Variants in SH2D1B observed in about 807,000 individuals in gnomAD.
SH2D1B encodes SH2 domain containing 1B, also known as SH2 domain-containing protein 1B.
Under a neutral mutation model 16.3 loss-of-function variants are expected in SH2D1B, and 11 were observed. That is an observed-to-expected ratio of 0.67 (90% CI 0.42 to 1.11). SH2D1B has a LOEUF of 1.11. Ranked by LOEUF, SH2D1B falls within the 50% of genes most tolerant of loss-of-function variation. The pLI, the probability that SH2D1B is intolerant of heterozygous loss-of-function variation, is 0.00. For synonymous variants in SH2D1B, 55 were observed against 56.1 expected (o/e 0.98, Z 0.09); for missense variants, 123 against 153.1 (o/e 0.80, Z 1.04).
rs1263080027 is a variant in SH2D1B at position 162,402,719 on chromosome 1, G to C, written c.198+20C>G. 1.2e-6 allele frequency: 2 copies of C among 1,603,482 alleles called. No homozygotes were observed. The highest frequency in any genetic ancestry group is 1.7e-6 in the Non-Finnish European group (2 of 1,170,526). On this transcript the variant is annotated intron_variant, in intron 2 of 3. Coordinates refer to ENST00000367929, the MANE Select transcript of SH2D1B (RefSeq NM_053282.5). ...CCCCAACTTTTGTGTTGTTGTTGTT[G>C]TCGTCCTTTTTGTTCTTACCTGTAT... is the stretch of plus-strand genomic sequence containing the variant.
At chr1:162,411,141 AGATG>A (rs1313441861) in intron 1 of SH2D1B, among the ~76,000 whole-genome samples, 2 of 151,738 alleles carry the variant, frequency 1.3e-5, no homozygotes, top group African/African-American at 4.8e-5. Flanking sequence ...TTTTTGGTAG[AGATG>A]GGGTTTTGCC....
At chr1:162,398,563 T>C (rs1648433299) in intron 3 of SH2D1B, among the ~76,000 whole-genome samples, 1 of 152,202 alleles carries the variant, frequency 6.6e-6, no homozygotes, top group Non-Finnish European at 1.5e-5. Flanking sequence ...TGTAACAGTA[T>C]ACGCTTTGGG....
intron 1 of SH2D1B, among the ~76,000 whole-genome samples, chr1:162,403,512 ATATATAT>A (rs1382180711): frequency 0.033 from 578 of 17,760 alleles, 24 homozygotes; most frequent in Middle Eastern, 0.1. Context: ...AAAAAAAAAA[ATATATAT>A]ATATATATAT....
Position 162,397,166 on chromosome 1 carries a change from A to T in SH2D1B, c.*114T>A. ...GAACATCTTCAGTTACACAACCAGG[A>T]GAGTCTGAATTGTCCACTAGAGTTT... On this transcript the variant is annotated 3_prime_UTR_variant, in exon 4 of 4. Transcript: ENST00000367929. The T allele has an allele frequency of 8.9e-7, 1 of 1,128,324 alleles. No individual in the cohort carries two copies. Among genetic ancestry groups the T allele is most frequent in the South Asian group, 1.3e-5 (1 of 77,494 alleles). 69.9% of individuals were successfully genotyped at this position (1,128,324 alleles called of 1,614,324 possible).
chr1:162,397,437 T>C (rs1571270393), intron 3 of SH2D1B, 122 bp from the exon 4 acceptor site: 2 of 997,780 alleles, frequency 2.0e-6, no homozygotes, highest in East Asian at 4.9e-5. Context: ...TGATGCCACC[T>C]GAAAGTTGTA....
In SH2D1B at chr1:162,397,301, A is replaced by T. The variant is rs755469003; in HGVS notation, c.378T>A (p.Asp126Glu). The change falls in exon 4 of 4, where the codon GAT becomes GAA. Residue 126 changes from aspartate to glutamate, a missense_variant. By Grantham distance (45) the Asp-to-Glu change is conservative (BLOSUM62 2). Coordinates refer to ENST00000367929, the MANE Select transcript of SH2D1B (RefSeq NM_053282.5). ...ATCTTCAAGGCAAGACATCCACATA[A>T]TCGCTGTTACTGTTCTTTGGAGGGA... ...ELETFVNSNSDYVDVLP is the reference protein window; with the variant it reads ...ELETFVNSNSEYVDVLP 6.2e-7 allele frequency: 1 copy of T among 1,613,786 alleles called. No individual in the cohort carries two copies. The highest frequency in any genetic ancestry group is 8.5e-7 in the Non-Finnish European group (1 of 1,179,874).
In SH2D1B at chr1:162,395,403, T is replaced by C. The variant is rs911983019; in HGVS notation, c.*1877A>G. ...GTCAAAATATTTCTAGTAAAAATTA[T>C]AAAATAGCCTTTAACAAGGCTACAA... is the stretch of plus-strand genomic sequence containing the variant. On this transcript the variant is annotated 3_prime_UTR_variant, in exon 4 of 4. Coordinates refer to ENST00000367929, the MANE Select transcript of SH2D1B (RefSeq NM_053282.5). 7 of 152,126 alleles carry C rather than the reference T, an allele frequency of 4.6e-5. No homozygotes were observed. The highest frequency in any genetic ancestry group is 7.4e-5 in the Non-Finnish European group (5 of 68,010). 9.4% of individuals were successfully genotyped at this position (152,126 alleles called of 1,614,324 possible). A position where few individuals can be genotyped will look rare whatever the true frequency, so the allele number is the denominator to read the frequency against.
In SH2D1B at chr1:162,395,740, T is replaced by C. The variant is rs896568313; in HGVS notation, c.*1540A>G. The C allele has an allele frequency of 1.3e-5, 2 of 152,162 alleles. No individual in the cohort carries two copies. Among genetic ancestry groups the C allele is most frequent in the Admixed American group, 6.5e-5 (1 of 15,278 alleles). 9.4% of individuals were successfully genotyped at this position (152,162 alleles called of 1,614,324 possible). A position where few individuals can be genotyped will look rare whatever the true frequency, so the allele number is the denominator to read the frequency against. On this transcript the variant is annotated 3_prime_UTR_variant, in exon 4 of 4. Coordinates refer to ENST00000367929, the MANE Select transcript of SH2D1B (RefSeq NM_053282.5). Reference sequence around the variant, plus strand: ...TAGAAATGTAATAAAACATAAGATATCATTTACAGCAACTAGAAATAGGAA... The same window carrying C: ...TAGAAATGTAATAAAACATAAGATACCATTTACAGCAACTAGAAATAGGAA...
rs769460269 is a variant in SH2D1B at position 162,398,938 on chromosome 1, C to G, written c.348G>C (p.Glu116Asp). 2 of 1,611,906 alleles carry G rather than the reference C, an allele frequency of 1.2e-6. No individual in the cohort carries two copies. The highest frequency in any genetic ancestry group is 2.2e-5 in the South Asian group (2 of 90,844). Residue 116 changes from glutamate to aspartate, a missense_variant, in exon 3 of 4, where the codon GAG becomes GAC. Coordinates refer to ENST00000367929, the MANE Select transcript of SH2D1B (RefSeq NM_053282.5). The part of the protein sequence containing the change: ...PSLRWRGLKL[E>D]LETFVNSNSD... Reference sequence around the variant, plus strand: ...GAGATTTTACCACAAATGTTTCCAACTCTAATTTCAATCCTCTCCATCTCA... The same window carrying G: ...GAGATTTTACCACAAATGTTTCCAAGTCTAATTTCAATCCTCTCCATCTCA...
chr1:162,400,777 G>A (rs147492588), intron 2 of SH2D1B, among the ~76,000 whole-genome samples: 48 of 151,934 alleles, frequency 3.2e-4, no homozygotes, highest in African/African-American at 1.0e-3. Flanking sequence ...GCAAAACTCC[G>A]TCTCTACTAA....
chr1:162,403,424 G>A (rs1648569671), intron 1 of SH2D1B, among the ~76,000 whole-genome samples: 1 of 143,100 alleles, frequency 7.0e-6, no homozygotes, highest in South Asian at 2.3e-4. Context: ...AGGAGGCGGA[G>A]GTTGCAGTGA....
chr1:162,409,979 T>C (rs527645236), intron 1 of SH2D1B, among the ~76,000 whole-genome samples: 2 of 152,374 alleles, frequency 1.3e-5, no homozygotes, highest in East Asian at 3.9e-4. Flanking sequence ...GTGTATTCTA[T>C]TAGTAATGAC....
At chr1:162,407,592 T>C (rs1246159948) in intron 1 of SH2D1B, among the ~76,000 whole-genome samples, 1 of 152,234 alleles carries the variant, frequency 6.6e-6, no homozygotes, top group African/African-American at 2.4e-5. Context: ...GTTTGGCTCA[T>C]AGATAATACC....
chr1:162,400,681 C>T (rs1648496069), intron 2 of SH2D1B, among the ~76,000 whole-genome samples: 1 of 151,916 alleles, frequency 6.6e-6, no homozygotes, highest in African/African-American at 2.4e-5. Context: ...GGCTCAGTGG[C>T]TCATGCCTGT....
At chr1:162,401,213 G>A (rs749838015) in intron 2 of SH2D1B, among the ~76,000 whole-genome samples, 6 of 152,228 alleles carry the variant, frequency 3.9e-5, no homozygotes, top group African/African-American at 1.2e-4. Context: ...CCAGTGAAAC[G>A]CCTCTTTGTG....
chr1:162,410,037 T>C (rs73031076), intron 1 of SH2D1B, among the ~76,000 whole-genome samples: 5,752 of 152,274 alleles, frequency 0.038, 350 homozygotes, highest in African/African-American at 0.13. Context: ...CCAAGGCCCA[T>C]TTGTGTACTT....
At chr1:162,398,338 A>C (rs1648428262) in intron 3 of SH2D1B, among the ~76,000 whole-genome samples, 1 of 152,238 alleles carries the variant, frequency 6.6e-6, no homozygotes, top group Admixed American at 6.5e-5. Context: ...TGCAACTGAT[A>C]GTAAATTCTT....
chr1:162,402,513 G>A (rs963868378), intron 2 of SH2D1B: 14 of 412,876 alleles, frequency 3.4e-5, no homozygotes, highest in African/African-American at 1.0e-4. Context: ...GCGAGACTCC[G>A]TCTAAAAAAA....
chr1:162,402,707 G>C (rs749138252), intron 2 of SH2D1B, 32 bp downstream of exon 2: 30 of 1,545,540 alleles, frequency 1.9e-5, no homozygotes, highest in Non-Finnish European at 2.6e-5. Context: ...CAACTTTTGT[G>C]TTGTTGTTGT....
Sources: allele counts gnomAD v4.1 joint callset (sites outside exome capture counted in the v4.1 genomes callset), GRCh38; gene constraint gnomAD v4.1.1; transcripts MANE v1.5; gene names NCBI Gene and HGNC (gene_info 2026-07-23, HGNC 2026-07-21).